Variants in MYO16 observed in about 807,000 individuals in gnomAD.
MYO16 encodes unconventional myosin-XVI.
In MYO16, 94 loss-of-function variants were observed where a neutral mutation model predicts 205.3. The ratio of observed to expected loss-of-function variants is 0.46; its 90% CI spans 0.39 to 0.54. The LOEUF (loss-of-function observed/expected upper bound fraction) is 0.54. Ranked by LOEUF, MYO16 falls within the 20% of genes least tolerant of loss-of-function variation. The pLI is 0.00. For synonymous variants in MYO16, 988 were observed against 954.0 expected, an observed-to-expected ratio of 1.04 and a Z score of -0.66; for missense variants, 2,315 against 2,387.5, an observed-to-expected ratio of 0.97 and a Z score of 0.63.
Position 109,140,394 on chromosome 13 carries a change from G to T in MYO16, c.4182G>T (p.Gly1394=). 6.3e-7 allele frequency: 1 copy of T among 1,594,756 alleles called. No individual in the cohort carries two copies. The highest frequency in any genetic ancestry group is 1.1e-5 in the South Asian group (1 of 90,728). ...SYEEISGSRP[G]DARPAGAPGA... Reference sequence around the variant, plus strand: ...AGGAGATATCGGGGTCCCGGCCCGGGGACGCGAGGCCCGCGGGCGCCCCGG... The same window carrying T: ...AGGAGATATCGGGGTCCCGGCCCGGTGACGCGAGGCCCGCGGGCGCCCCGG... Residue 1394 remains glycine (G), a synonymous_variant, in exon 32 of 35, where the codon GGG becomes GGT. Coordinates refer to ENST00000457511, the MANE Select transcript of MYO16 (RefSeq NM_001198950.3). The surrounding 1 kb of genome is among the most constrained non-coding windows in gnomAD (Gnocchi z 8.0).
At chr13:109,131,113 G>A (rs1876511895) in intron 31 of MYO16, among the ~76,000 whole-genome samples, 1 of 152,148 alleles carries the variant, frequency 6.6e-6, no homozygotes, top group South Asian at 2.1e-4. Context: ...AAAATGTTTG[G>A]TGAACCTTGG....
At chr13:108,517,882 G>A in the MYO16 span, among the ~76,000 whole-genome samples, 8 of 152,166 alleles carry the variant, frequency 5.3e-5, no homozygotes, top group Non-Finnish European at 8.8e-5. Context: ...TGCTTCATAC[G>A]TTGTGCCTTG....
intron 31 of MYO16, among the ~76,000 whole-genome samples, chr13:109,137,297 T>A (rs1486152407): frequency 6.6e-6 from 1 of 152,230 alleles, no homozygotes; most frequent in Non-Finnish European, 1.5e-5. Flanking sequence ...CAACATCATC[T>A]TCTAATCATT....
the MYO16 span, among the ~76,000 whole-genome samples, chr13:108,509,245 A>AAG: frequency 0.13 from 19,246 of 152,224 alleles, 1,368 homozygotes; most frequent in East Asian, 0.23. Flanking sequence ...GATAAATATC[A>AAG]ACTTGCACAG....
chr13:108,613,282 C>A (rs1284926078), intron 1 of MYO16, among the ~76,000 whole-genome samples: 1 of 152,186 alleles, frequency 6.6e-6, no homozygotes, highest in African/African-American at 2.4e-5. Context: ...CCTGTAAAAA[C>A]ATTGGAAATA....
the MYO16 span, among the ~76,000 whole-genome samples, chr13:108,577,062 G>T: frequency 6.6e-6 from 1 of 152,196 alleles, no homozygotes; most frequent in Non-Finnish European, 1.5e-5. Flanking sequence ...TGCCCAGCTT[G>T]CAGTACCTTT....
chr13:108,754,938 G>T (rs889482935), intron 4 of MYO16, among the ~76,000 whole-genome samples: 4 of 151,914 alleles, frequency 2.6e-5, no homozygotes, highest in African/African-American at 9.7e-5. Context: ...CTGTAAATAC[G>T]TAATAAGTAT....
chr13:109,103,510 T>C (rs1370316926), intron 28 of MYO16, among the ~76,000 whole-genome samples: 3 of 152,240 alleles, frequency 2.0e-5, no homozygotes, highest in Non-Finnish European at 4.4e-5. Flanking sequence ...ATTAGAATTA[T>C]ATTTTGCTGT....
rs111368934 is a variant in MYO16, at chr13:109,203,300, T to C, written c.5416-3309T>C. Among the ~76,000 whole-genome samples, 820 of 152,264 alleles carry C rather than the reference T, an allele frequency of 5.4e-3. 8 individuals are homozygous for C. Among genetic ancestry groups the C allele is most frequent in the African/African-American group, 0.018 (759 of 41,552 alleles). ...AGAAAATCTTCACAATCTATACATC[T>C]GACAAAGGACAAATATTCAGAATCT... On this transcript the variant is annotated intron_variant, in intron 34 of 34. Coordinates refer to ENST00000457511, the MANE Select transcript of MYO16 (RefSeq NM_001198950.3).
the MYO16 span, among the ~76,000 whole-genome samples, chr13:108,528,412 T>C: frequency 6.6e-6 from 1 of 152,116 alleles, no homozygotes; most frequent in African/African-American, 2.4e-5. Flanking sequence ...AGGAAACTAA[T>C]ACAGTGAGGA....
intron 20 of MYO16, among the ~76,000 whole-genome samples, chr13:108,985,642 C>T (rs1340672315): frequency 1.3e-5 from 2 of 152,230 alleles, no homozygotes; most frequent in Non-Finnish European, 2.9e-5. Flanking sequence ...AAACATCTTG[C>T]TGGTAATTTG....
At chr13:109,075,236 G>A (rs908361487) in intron 27 of MYO16, among the ~76,000 whole-genome samples, 4 of 152,266 alleles carry the variant, frequency 2.6e-5, no homozygotes, top group Admixed American at 6.5e-5. Flanking sequence ...AAGGCATAGC[G>A]TTAGTGTATG....
At chr13:108,812,470 G>A (rs367594547) in intron 7 of MYO16, among the ~76,000 whole-genome samples, 11 of 151,968 alleles carry the variant, frequency 7.2e-5, no homozygotes, top group Middle Eastern at 3.4e-3. Context: ...AGGTGAGTGC[G>A]CACGCCCCTT....
Position 109,055,631 on chromosome 13 carries a change from T to C in MYO16, c.3335+36T>C. The C allele has an allele frequency of 6.5e-7, 1 of 1,543,744 alleles. No individual in the cohort carries two copies. Among genetic ancestry groups the C allele is most frequent in the Non-Finnish European group, 8.9e-7 (1 of 1,127,448 alleles). On this transcript the variant is annotated intron_variant, in intron 27 of 34. Transcript: ENST00000457511. This position sits in a 1 kb window ranked among gnomAD's most constrained non-coding sequence, Gnocchi z 5.0. ...CTGCTCTTAAAATCGTCGTTCTCGC[T>C]GCTGTTCAGTGCAGTGTACTGACAC...
chr13:109,041,073 T>A (rs1049889182), intron 23 of MYO16, among the ~76,000 whole-genome samples: 1 of 152,180 alleles, frequency 6.6e-6, no homozygotes, highest in Non-Finnish European at 1.5e-5. Context: ...ATACTAGCAA[T>A]GGGCATTGAA....
chr13:108,930,271 T>C (rs1257077537), intron 16 of MYO16, among the ~76,000 whole-genome samples: 1 of 152,190 alleles, frequency 6.6e-6, no homozygotes, highest in East Asian at 1.9e-4. Flanking sequence ...GAGAATGACA[T>C]TGGCTGTCTT....
intron 4 of MYO16, among the ~76,000 whole-genome samples, chr13:108,749,019 T>G (rs985344202): frequency 1.3e-5 from 2 of 152,186 alleles, no homozygotes; most frequent in Admixed American, 1.3e-4. Flanking sequence ...AATACTCTTT[T>G]TTCAGTTTGG....
chr13:108,554,556 A>G, the MYO16 span, among the ~76,000 whole-genome samples: 2 of 152,010 alleles, frequency 1.3e-5, no homozygotes, highest in South Asian at 4.1e-4. Flanking sequence ...TTATTTGAAA[A>G]CCATCTGTCT....
chr13:109,074,327 C>T (rs1247094841), intron 27 of MYO16, among the ~76,000 whole-genome samples: 3 of 152,118 alleles, frequency 2.0e-5, no homozygotes, highest in Admixed American at 6.5e-5. Context: ...TGTATTAGTC[C>T]GTTTTCACAC....
Sources: allele counts gnomAD v4.1 joint callset (sites outside exome capture counted in the v4.1 genomes callset), GRCh38; gene constraint gnomAD v4.1.1; non-coding constraint Gnocchi (gnomAD v3.1); transcripts MANE v1.5; gene names NCBI Gene and HGNC (gene_info 2026-07-23, HGNC 2026-07-21).